Variants in CACNA2D3 observed in about 807,000 individuals in gnomAD.
CACNA2D3 encodes the protein voltage-dependent calcium channel subunit alpha-2/delta-3.
CACNA2D3 carries 60 observed loss-of-function variants against 160.6 expected under a neutral mutation model. That is an observed-to-expected ratio of 0.37 (90% CI 0.30 to 0.46). CACNA2D3 has a LOEUF of 0.46. Ranked by LOEUF, CACNA2D3 falls within the 20% of genes least tolerant of loss-of-function variation. The pLI is 1.00. For synonymous variants in CACNA2D3, 558 were observed against 492.9 expected, an observed-to-expected ratio of 1.13 and a Z score of -1.75; for missense variants, 1,205 against 1,365.0, an observed-to-expected ratio of 0.88 and a Z score of 1.85.
At chr3:55,073,668 C>T in intron 36 of CACNA2D3, 109 bp from the exon 37 acceptor site, 1 of 1,238,106 alleles carries the variant, frequency 8.1e-7, no homozygotes, top group Non-Finnish European at 1.2e-6. Flanking sequence ...ATCCTTTCCA[C>T]TGTTGGAGAG....
intron 23 of CACNA2D3, among the ~76,000 whole-genome samples, chr3:54,886,623 C>T (rs1699931220): frequency 6.6e-6 from 1 of 152,048 alleles, no homozygotes; most frequent in African/African-American, 2.4e-5. Flanking sequence ...TCATTATTCT[C>T]AATAATTTAA....
chr3:54,937,533 A>G (rs1225063853), intron 27 of CACNA2D3, among the ~76,000 whole-genome samples: 1 of 152,196 alleles, frequency 6.6e-6, no homozygotes, highest in Non-Finnish European at 1.5e-5. Flanking sequence ...TGTGCAGTTC[A>G]AACTCGTGTT....
chr3:54,740,716 A>T (rs1701632288), intron 11 of CACNA2D3, among the ~76,000 whole-genome samples: 1 of 152,212 alleles, frequency 6.6e-6, no homozygotes, highest in Non-Finnish European at 1.5e-5. Context: ...CAGAAGTCCC[A>T]GAAGGCAGTA....
At chr3:54,658,050 G>A (rs1416664246) in intron 11 of CACNA2D3, among the ~76,000 whole-genome samples, 1 of 152,196 alleles carries the variant, frequency 6.6e-6, no homozygotes, top group Non-Finnish European at 1.5e-5. Context: ...TATATTGTAT[G>A]TGTACACTAC....
At chr3:54,643,496 C>G (rs623696) in intron 11 of CACNA2D3, among the ~76,000 whole-genome samples, 86,648 of 152,044 alleles carry the variant, frequency 0.57, 27,052 homozygotes, top group Admixed American at 0.72. Flanking sequence ...CGGTGCTGAG[C>G]TGACTATGTG....
At chr3:54,901,976 C>T (rs1700343459) in intron 27 of CACNA2D3, among the ~76,000 whole-genome samples, 1 of 152,190 alleles carries the variant, frequency 6.6e-6, no homozygotes, top group Non-Finnish European at 1.5e-5. Flanking sequence ...ATTAAGTAGA[C>T]ACTGTTTACC....
At chr3:54,580,137 C>T (rs995133826) in intron 8 of CACNA2D3, among the ~76,000 whole-genome samples, 18 of 152,020 alleles carry the variant, frequency 1.2e-4, no homozygotes, top group African/African-American at 1.7e-4. Flanking sequence ...TCATTTTTGC[C>T]GTGCCTCAGT....
intron 4 of CACNA2D3, among the ~76,000 whole-genome samples, chr3:54,450,799 T>C (rs1264640055): frequency 1.3e-5 from 2 of 152,152 alleles, no homozygotes; most frequent in Admixed American, 1.3e-4. Context: ...CATGTAATTA[T>C]AATCAACTCA....
At chr3:54,300,371 G>T (rs751106402) in intron 2 of CACNA2D3, among the ~76,000 whole-genome samples, 13 of 152,222 alleles carry the variant, frequency 8.5e-5, no homozygotes, top group Non-Finnish European at 1.9e-4. Flanking sequence ...TCTCCCAAAT[G>T]GCCCTTGCCA....
chr3:54,320,914 C>T (rs571156884), intron 3 of CACNA2D3, among the ~76,000 whole-genome samples: 3 of 152,294 alleles, frequency 2.0e-5, no homozygotes, highest in Admixed American at 6.5e-5. Context: ...TGAGCATTTT[C>T]TTGTGTCACT....
At chr3:54,406,928 T>C (rs993653929) in intron 4 of CACNA2D3, among the ~76,000 whole-genome samples, 4 of 152,118 alleles carry the variant, frequency 2.6e-5, no homozygotes, top group Non-Finnish European at 1.5e-5. Context: ...TTTAAATATA[T>C]GCAATAACAT....
intron 2 of CACNA2D3, among the ~76,000 whole-genome samples, chr3:54,292,838 A>C (rs1407916073): frequency 6.6e-6 from 1 of 152,222 alleles, no homozygotes; most frequent in African/African-American, 2.4e-5. Flanking sequence ...TACACTGCAA[A>C]AGAACAGAAA....
intron 9 of CACNA2D3, among the ~76,000 whole-genome samples, chr3:54,625,817 TCTTAA>T (rs1699086185): frequency 6.6e-6 from 1 of 152,158 alleles, no homozygotes; most frequent in African/African-American, 2.4e-5. Flanking sequence ...CAGAGCAGCA[TCTTAA>T]AACAATCAGC....
At chr3:54,179,809 A>G (rs529393551) in intron 2 of CACNA2D3, among the ~76,000 whole-genome samples, 1 of 152,154 alleles carries the variant, frequency 6.6e-6, no homozygotes, top group African/African-American at 2.4e-5. Context: ...CCTCACCAGG[A>G]ACAGAATTGG....
intron 2 of CACNA2D3, among the ~76,000 whole-genome samples, chr3:54,153,411 C>T (rs750444117): frequency 4.6e-5 from 7 of 152,190 alleles, no homozygotes; most frequent in Non-Finnish European, 8.8e-5. Flanking sequence ...TGGGTGGCCC[C>T]TGGACTTGTG....
At chr3:54,285,913 C>T (rs1703010425) in intron 2 of CACNA2D3, among the ~76,000 whole-genome samples, 1 of 152,112 alleles carries the variant, frequency 6.6e-6, no homozygotes, top group Non-Finnish European at 1.5e-5. Context: ...GACATCCACA[C>T]CAAAAACCCA....
At chr3:54,620,187 C>T (rs552629502) in intron 9 of CACNA2D3, among the ~76,000 whole-genome samples, 1 of 152,282 alleles carries the variant, frequency 6.6e-6, no homozygotes, top group East Asian at 1.9e-4. Context: ...CCCTGCTCGT[C>T]ATTTAGGCTG....
chr3:54,811,538 C>T (rs1165118084), intron 13 of CACNA2D3, among the ~76,000 whole-genome samples: 1 of 136,390 alleles, frequency 7.3e-6, no homozygotes, highest in Non-Finnish European at 1.5e-5. Flanking sequence ...CACTCTGTCA[C>T]CCAGGCTGGA....
At chr3:54,748,441 A>G (rs569884355) in intron 11 of CACNA2D3, among the ~76,000 whole-genome samples, 49 of 152,306 alleles carry the variant, frequency 3.2e-4, no homozygotes, top group Middle Eastern at 3.4e-3. Context: ...AAGTAGATTA[A>G]GGTAAGTGAC....
Sources: allele counts gnomAD v4.1 joint callset (sites outside exome capture counted in the v4.1 genomes callset), GRCh38; gene constraint gnomAD v4.1.1; transcripts MANE v1.5; gene names NCBI Gene and HGNC (gene_info 2026-07-23, HGNC 2026-07-21).